VWA3B: variants seen among roughly 807,000 people sequenced by gnomAD.
VWA3B encodes the protein von Willebrand factor A domain containing 3B, also known as von Willebrand factor A domain-containing protein 3B.
In VWA3B, 138 loss-of-function variants were observed where a neutral mutation model predicts 158.3. That is an observed-to-expected ratio of 0.87 (90% CI 0.76 to 1.00). The LOEUF is 1.00. Among genes scored for constraint, VWA3B ranks in the 50% least tolerant of loss-of-function variants. The pLI is 0.00. For synonymous variants in VWA3B, 596 were observed against 587.3 expected (o/e 1.01, Z -0.21); for missense variants, 1,555 against 1,565.1 (o/e 0.99, Z 0.11).
rs115036106 is a variant in VWA3B, at chr2:98,104,683, A to G, written c.197-10969A>G. Among the ~76,000 whole-genome samples the G allele has an allele frequency of 2.6e-3, 395 of 152,322 alleles. 2 individuals are homozygous for G. Among genetic ancestry groups the G allele is most frequent in the African/African-American group, 8.5e-3 (355 of 41,576 alleles). On this transcript the variant is annotated intron_variant, in intron 2 of 27. Transcript: ENST00000477737. The stretch of plus-strand genomic sequence containing the variant: ...TGATATATTTAAATGTAGGTCTACC[A>G]TGTTACTATTTGCTTTCTATTTGTC...
At chr2:98,308,369 G>A (rs777798153) in intron 26 of VWA3B, among the ~76,000 whole-genome samples, 4 of 152,220 alleles carry the variant, frequency 2.6e-5, no homozygotes, top group Admixed American at 6.5e-5. Flanking sequence ...GTGTCCCTGA[G>A]CTTTCTGCTA....
At chr2:98,153,323 A>G (rs543882675) in intron 7 of VWA3B, among the ~76,000 whole-genome samples, 1 of 152,326 alleles carries the variant, frequency 6.6e-6, no homozygotes, top group African/African-American at 2.4e-5. Flanking sequence ...ACTCCTGGCA[A>G]ATGTCCTTAG....
Position 98,270,893 on chromosome 2 carries a change from C to G in VWA3B, c.3045+10C>G. The G allele has an allele frequency of 6.2e-7, 1 of 1,612,728 alleles. No individual in the cohort carries two copies. The highest frequency in any genetic ancestry group is 8.5e-7 in the Non-Finnish European group (1 of 1,179,272). Reference sequence around the variant, plus strand: ...CAAGGCCCCGGGAGAGGTGGGTGCCCTGGAGGTCTCTGTCTTTCCTCCCTC... The same window carrying G: ...CAAGGCCCCGGGAGAGGTGGGTGCCGTGGAGGTCTCTGTCTTTCCTCCCTC... On this transcript the variant is annotated intron_variant, in intron 22 of 27. Transcript: ENST00000477737.
At chr2:98,177,381 A>G (rs1429250077) in intron 8 of VWA3B, among the ~76,000 whole-genome samples, 1 of 152,170 alleles carries the variant, frequency 6.6e-6, no homozygotes, top group Non-Finnish European at 1.5e-5. Context: ...TCTATAATAA[A>G]TGAATTCTCT....
chr2:98,166,269 G>A (rs1679063524), intron 8 of VWA3B, among the ~76,000 whole-genome samples: 1 of 152,174 alleles, frequency 6.6e-6, no homozygotes, highest in Admixed American at 6.5e-5. Context: ...CCCAGGAGGT[G>A]GAGGTGGCAG....
chr2:98,118,190 C>T (rs1674678902), intron 3 of VWA3B, among the ~76,000 whole-genome samples: 1 of 152,148 alleles, frequency 6.6e-6, no homozygotes, highest in Non-Finnish European at 1.5e-5. Context: ...TAAAATCCAC[C>T]TCCACATTCC....
chr2:98,142,031 C>T (rs1676810158), intron 7 of VWA3B, among the ~76,000 whole-genome samples: 1 of 152,180 alleles, frequency 6.6e-6, no homozygotes, highest in African/African-American at 2.4e-5. Context: ...AGTCTCCTCT[C>T]CTCTGGTTGG....
At chr2:98,236,323 T>C in intron 17 of VWA3B, 67 bp from the exon 18 acceptor site, 2 of 1,530,518 alleles carry the variant, frequency 1.3e-6, no homozygotes, top group Non-Finnish European at 1.8e-6. Flanking sequence ...ACAAGCGTGA[T>C]CCCTTTGCAT....
At chr2:98,087,741 C>T (rs1681968136) in intron 1 of VWA3B, among the ~76,000 whole-genome samples, 1 of 152,202 alleles carries the variant, frequency 6.6e-6, no homozygotes, top group African/African-American at 2.4e-5. Flanking sequence ...AGAAGAAACA[C>T]ATTTCCTGAA....
chr2:98,110,405 T>C (rs1172472252), intron 2 of VWA3B, among the ~76,000 whole-genome samples: 2 of 152,224 alleles, frequency 1.3e-5, no homozygotes, highest in African/African-American at 4.8e-5. Flanking sequence ...ATGTTTTTAT[T>C]CATTTTGAGA....
At chr2:98,301,157 G>A (rs906305975) in intron 25 of VWA3B, among the ~76,000 whole-genome samples, 2 of 152,064 alleles carry the variant, frequency 1.3e-5, no homozygotes, top group Admixed American at 1.3e-4. Context: ...GGGCATGGTA[G>A]TGGGCGCCTG....
intron 7 of VWA3B, among the ~76,000 whole-genome samples, chr2:98,135,757 T>C (rs1056274931): frequency 6.6e-5 from 10 of 152,328 alleles, no homozygotes; most frequent in Non-Finnish European, 1.0e-4. Context: ...GTCTCCTCTG[T>C]CCATCACAAT....
At chr2:98,250,549 A>G in intron 20 of VWA3B, 113 bp downstream of exon 20, 1 of 890,118 alleles carries the variant, frequency 1.1e-6, no homozygotes, top group South Asian at 1.8e-5. Context: ...CAGCTATTTA[A>G]AAATTGTTCA....
intron 25 of VWA3B, among the ~76,000 whole-genome samples, chr2:98,302,009 T>G (rs1439503722): frequency 6.6e-6 from 1 of 152,336 alleles, no homozygotes; most frequent in South Asian, 2.1e-4. Flanking sequence ...GTTTGCCTGA[T>G]TGACGTCTCC....
chr2:98,238,140 C>T (rs1685824759), intron 19 of VWA3B, among the ~76,000 whole-genome samples: 1 of 152,136 alleles, frequency 6.6e-6, no homozygotes, highest in East Asian at 1.9e-4. Context: ...TCTATTAGCA[C>T]ATTTTAAAAA....
the VWA3B span, among the ~76,000 whole-genome samples, chr2:98,320,036 C>A: frequency 1.3e-5 from 2 of 152,066 alleles, no homozygotes; most frequent in Non-Finnish European, 2.9e-5. Context: ...GTGTCCCCAC[C>A]CAAATCTCAT....
chr2:98,265,614 G>T (rs1381468543), intron 21 of VWA3B, among the ~76,000 whole-genome samples: 55 of 147,280 alleles, frequency 3.7e-4, no homozygotes, highest in African/African-American at 1.3e-3. Context: ...CTGAGGAATC[G>T]CCACACTGAC....
intron 26 of VWA3B, among the ~76,000 whole-genome samples, chr2:98,305,377 G>T (rs1315262846): frequency 6.6e-6 from 1 of 152,146 alleles, no homozygotes; most frequent in Non-Finnish European, 1.5e-5. Flanking sequence ...AAGAGCATTG[G>T]AACCAAGATT....
chr2:98,099,625 C>G (rs1450711585), intron 2 of VWA3B, among the ~76,000 whole-genome samples: 1 of 152,088 alleles, frequency 6.6e-6, no homozygotes, highest in African/African-American at 2.4e-5. Context: ...TTATATCTTT[C>G]TCCAGGTTTG....
Sources: gnomAD v4.1 joint callset for allele counts (sites outside exome capture counted in the v4.1 genomes callset) on GRCh38, gnomAD v4.1.1 for gene constraint, MANE v1.5 for transcripts, NCBI Gene and HGNC (gene_info 2026-07-23, HGNC 2026-07-21) for gene names.